The following WIPF1 variants were observed in gnomAD, a reference collection of about 807,000 sequenced individuals.
WIPF1 encodes WAS/WASL interacting protein family member 1.
In WIPF1, 13 loss-of-function variants were observed where a neutral mutation model predicts 35.4. The observed-to-expected ratio is 0.37, with a 90% CI of 0.24 to 0.58. WIPF1 has a LOEUF of 0.58. WIPF1 is among the 20% of genes least tolerant of loss of function. The pLI is 0.74. For missense variants in WIPF1, 591 were observed against 667.0 expected, an observed-to-expected ratio of 0.89 and a Z score of 1.25; for synonymous variants, 267 against 266.3, an observed-to-expected ratio of 1.00 and a Z score of -0.02.
intron 3 of WIPF1, chr2:174,581,083 G>T (rs1685226270): frequency 2.6e-6 from 1 of 381,822 alleles, no homozygotes; most frequent in Non-Finnish European, 4.7e-6. Context: ...AATTGCTGCT[G>T]TGTATGTCTT....
chr2:174,639,153 A>G (rs1205959967), intron 1 of WIPF1, among the ~76,000 whole-genome samples: 5 of 152,244 alleles, frequency 3.3e-5, no homozygotes, highest in Non-Finnish European at 7.3e-5. Flanking sequence ...CATTCTGAAT[A>G]GAGTGAAGTA....
At chr2:174,600,912 CTTTTTTTTTTTT>C (rs1157973597), upstream of WIPF1, among the ~76,000 whole-genome samples, 4,047 of 65,330 alleles carry the variant, frequency 0.062, 91 homozygotes, top group Non-Finnish European at 0.094. Context: ...CATAATGTTC[CTTTTTTTTTTTT>C]TTTTTTTTTT....
chr2:174,667,782 C>T (rs890588332), intron 1 of WIPF1, among the ~76,000 whole-genome samples: 5 of 152,154 alleles, frequency 3.3e-5, no homozygotes, highest in Admixed American at 6.5e-5. Context: ...AATTACTCTC[C>T]GCAGCAGGTT....
intron 5 of WIPF1, 88 bp from the exon 6 acceptor site, chr2:174,568,161 G>C (rs1213441071): frequency 7.1e-7 from 1 of 1,400,618 alleles, no homozygotes; most frequent in African/African-American, 1.4e-5. Context: ...ATGAGGACTT[G>C]CTGGACACAT....
At chr2:174,669,790 C>T (rs1687969525) in intron 1 of WIPF1, among the ~76,000 whole-genome samples, 1 of 152,214 alleles carries the variant, frequency 6.6e-6, no homozygotes, top group Non-Finnish European at 1.5e-5. Context: ...GCAGGAGAAT[C>T]ATTTGAGCCC....
At chr2:174,563,323 G>A (rs12472763) in intron 7 of WIPF1, among the ~76,000 whole-genome samples, 1 of 152,170 alleles carries the variant, frequency 6.6e-6, no homozygotes, top group Non-Finnish European at 1.5e-5. Flanking sequence ...TGTAACCCCA[G>A]CACTTTGAGA....
chr2:174,656,775 G>A (rs1687649105), intron 1 of WIPF1, among the ~76,000 whole-genome samples: 1 of 152,142 alleles, frequency 6.6e-6, no homozygotes, highest in South Asian at 2.1e-4. Context: ...TGTGCTCAGG[G>A]GAAACTGGAA....
chr2:174,671,856 G>A (rs186280790), intron 1 of WIPF1, among the ~76,000 whole-genome samples: 5 of 152,196 alleles, frequency 3.3e-5, no homozygotes, highest in South Asian at 2.1e-4. Flanking sequence ...ATGCGTGCCC[G>A]AAACTTCATT....
rs1020515916 is a variant in WIPF1 at position 174,636,774 on chromosome 2, C to G, written c.-39+46000G>C. Among the ~76,000 whole-genome samples, 8 of 152,180 alleles carry G rather than the reference C, an allele frequency of 5.3e-5. No individual in the cohort carries two copies. In the East Asian group the frequency reaches 5.8e-4, roughly 11 times the overall value. Reference sequence around the variant, plus strand: ...TGGGCACACAAATGGGTGTTTTTCTCTTGGTAAGACTGGGGTTATGGGTTA... The same window carrying G: ...TGGGCACACAAATGGGTGTTTTTCTGTTGGTAAGACTGGGGTTATGGGTTA... On this transcript the variant is annotated intron_variant, in intron 1 of 8. Transcript: ENST00000272746.
At chr2:174,645,016 T>C (rs926978735) in intron 1 of WIPF1, among the ~76,000 whole-genome samples, 3 of 152,204 alleles carry the variant, frequency 2.0e-5, no homozygotes, top group Admixed American at 6.5e-5. Flanking sequence ...TGATTTTTCA[T>C]AGAGAAGCCT....
intron 1 of WIPF1, among the ~76,000 whole-genome samples, chr2:174,621,367 G>C (rs1312397922): frequency 6.6e-6 from 1 of 152,140 alleles, no homozygotes; most frequent in Non-Finnish European, 1.5e-5. Context: ...GATCGAGTGA[G>C]GTATCAGAAA....
chr2:174,585,748 C>T, intron 1 of WIPF1, 137 bp from the exon 2 acceptor site: 1 of 664,634 alleles, frequency 1.5e-6, no homozygotes, highest in Non-Finnish European at 2.6e-6. Context: ...TTACACCTCA[C>T]TGCTAAAACA....
At chr2:174,625,254 T>A (rs964265670) in intron 1 of WIPF1, among the ~76,000 whole-genome samples, 1 of 151,766 alleles carries the variant, frequency 6.6e-6, no homozygotes, top group Admixed American at 6.5e-5. Context: ...CTGTACAGGA[T>A]ACAGGCCTAA....
Position 174,562,495 on chromosome 2 carries a change from A to G in WIPF1, c.*52T>C. On this transcript the variant is annotated 3_prime_UTR_variant, in exon 8 of 8. Transcript: ENST00000679041. ...GCAGGGAGGAGGGTATGCAGTTCTT[A>G]GATAGCAACAGAAGCAGCTCTTGAG... 6.2e-7 allele frequency: 1 copy of G among 1,613,484 alleles called. No homozygotes were observed. The highest frequency in any genetic ancestry group is 8.5e-7 in the Non-Finnish European group (1 of 1,179,818).
chr2:174,566,898 G>A (rs1684677567), intron 7 of WIPF1, 172 bp downstream of exon 7: 1 of 583,880 alleles, frequency 1.7e-6, no homozygotes, highest in Admixed American at 3.2e-5. Flanking sequence ...TATGCATTCT[G>A]GGCATCTGCA....
intron 1 of WIPF1, among the ~76,000 whole-genome samples, chr2:174,613,686 T>G (rs1273667180): frequency 6.6e-6 from 1 of 152,138 alleles, no homozygotes. Flanking sequence ...TTCGTGCTAC[T>G]TGGTAAAAGA....
At chr2:174,635,153 T>A (rs944508804) in intron 1 of WIPF1, among the ~76,000 whole-genome samples, 2 of 152,226 alleles carry the variant, frequency 1.3e-5, no homozygotes, top group African/African-American at 4.8e-5. Flanking sequence ...AGTTCACATG[T>A]GGTCATGCTG....
At chr2:174,595,105 A>AT (rs1559155535) in intron 1 of WIPF1, among the ~76,000 whole-genome samples, 9 of 40,572 alleles carry the variant, frequency 2.2e-4, no homozygotes, top group South Asian at 1.0e-3. Flanking sequence ...AAAAAAAAAA[A>AT]AAAAATATAT....
chr2:174,562,748 G>A (rs2105784424), intron 7 of WIPF1, 146 bp from the exon 8 acceptor site: 1 of 1,062,412 alleles, frequency 9.4e-7, no homozygotes, highest in Non-Finnish European at 1.4e-6. Flanking sequence ...TGGATGAGAA[G>A]TGAGAGGTGA....
Sources: gnomAD v4.1 joint callset for allele counts (sites outside exome capture counted in the v4.1 genomes callset) on GRCh38, gnomAD v4.1.1 for gene constraint, MANE v1.5 for transcripts, NCBI Gene and HGNC (gene_info 2026-07-23, HGNC 2026-07-21) for gene names.